Variants in NRG3 observed in about 807,000 individuals in gnomAD.
NRG3 encodes pro-neuregulin-3, membrane-bound isoform.
In NRG3, 31 loss-of-function variants were observed where a neutral mutation model predicts 66.9. The ratio of observed to expected loss-of-function variants is 0.46; its 90% CI spans 0.35 to 0.63. The LOEUF (loss-of-function observed/expected upper bound fraction) is 0.63, where lower values mean the gene tolerates loss of function less well. NRG3 is among the 20% of genes least tolerant of loss of function. The probability of loss-of-function intolerance (pLI) is 0.00; values close to 1 mark genes in which losing one functional copy is unlikely to be tolerated. For missense variants in NRG3, 910 were observed against 878.9 expected (o/e 1.04, Z -0.45); for synonymous variants, 393 against 359.4 (o/e 1.09, Z -1.06).
At chr10:82,012,454 A>G (rs1368003700) in intron 1 of NRG3, among the ~76,000 whole-genome samples, 1 of 152,158 alleles carries the variant, frequency 6.6e-6, no homozygotes, top group Non-Finnish European at 1.5e-5. Flanking sequence ...GACAATTAAC[A>G]TTTGGCTCCT....
intron 3 of NRG3, among the ~76,000 whole-genome samples, chr10:82,854,870 C>T (rs993615832): frequency 2.0e-5 from 3 of 152,116 alleles, no homozygotes; most frequent in African/African-American, 7.2e-5. Context: ...TTTCTTAAGT[C>T]ATCAGTAAAG....
chr10:82,522,468 T>TAAC (rs1396646805), intron 2 of NRG3, among the ~76,000 whole-genome samples: 2 of 152,174 alleles, frequency 1.3e-5, no homozygotes, highest in Non-Finnish European at 2.9e-5. Flanking sequence ...ACCACAATAA[T>TAAC]AACATCAAAA....
chr10:82,171,144 A>G (rs1054980903), intron 1 of NRG3, among the ~76,000 whole-genome samples: 1 of 151,956 alleles, frequency 6.6e-6, no homozygotes, highest in African/African-American at 2.4e-5. Flanking sequence ...CAATCAATGT[A>G]TTTGGTATGA....
chr10:82,134,110 T>C (rs1248673723), intron 1 of NRG3, among the ~76,000 whole-genome samples: 2 of 139,216 alleles, frequency 1.4e-5, no homozygotes, highest in Non-Finnish European at 1.6e-5. Context: ...TTGATGGGGT[T>C]GTTTGTTTTT....
intron 1 of NRG3, among the ~76,000 whole-genome samples, chr10:82,002,142 T>G (rs922049323): frequency 6.6e-6 from 1 of 152,126 alleles, no homozygotes; most frequent in African/African-American, 2.4e-5. Flanking sequence ...TAAAGAAAAT[T>G]AAGACTAGCA....
chr10:82,127,180 G>C (rs891442689), intron 1 of NRG3, among the ~76,000 whole-genome samples: 12 of 152,126 alleles, frequency 7.9e-5, no homozygotes, highest in East Asian at 1.9e-4. Flanking sequence ...GTTCTGGACA[G>C]TCATCTCTGT....
intron 1 of NRG3, among the ~76,000 whole-genome samples, chr10:82,337,385 A>G (rs1357989715): frequency 6.6e-6 from 1 of 152,230 alleles, no homozygotes; most frequent in Non-Finnish European, 1.5e-5. Flanking sequence ...AGATGTACCA[A>G]CTTTTTTGTT....
chr10:82,915,833 A>T (rs1191112686), intron 4 of NRG3, among the ~76,000 whole-genome samples: 1 of 152,202 alleles, frequency 6.6e-6, no homozygotes, highest in Non-Finnish European at 1.5e-5. Flanking sequence ...AACATTGGGG[A>T]ATATATACAT....
At chr10:82,953,481 A>G (rs1362641619) in intron 5 of NRG3, among the ~76,000 whole-genome samples, 2 of 151,830 alleles carry the variant, frequency 1.3e-5, no homozygotes, top group Non-Finnish European at 2.9e-5. Context: ...ATAGCACTTT[A>G]TGTTCTCCAA....
chr10:82,494,043 C>T (rs1403745732), intron 2 of NRG3, among the ~76,000 whole-genome samples: 1 of 152,118 alleles, frequency 6.6e-6, no homozygotes, highest in Non-Finnish European at 1.5e-5. Flanking sequence ...AATGAAATAC[C>T]ATCTCACACC....
chr10:82,456,072 C>T (rs1192141002), intron 2 of NRG3, among the ~76,000 whole-genome samples: 1 of 151,680 alleles, frequency 6.6e-6, no homozygotes, highest in Non-Finnish European at 1.5e-5. Flanking sequence ...ATACAGCTGC[C>T]CAAAAATATC....
intron 4 of NRG3, among the ~76,000 whole-genome samples, chr10:82,924,052 G>A (rs1846731369): frequency 7.2e-6 from 1 of 139,584 alleles, no homozygotes; most frequent in Non-Finnish European, 1.5e-5. Flanking sequence ...TCATGCCAGT[G>A]TACTCCAGCC....
chr10:82,547,097 C>G (rs2043966757), intron 2 of NRG3, among the ~76,000 whole-genome samples: 1 of 151,994 alleles, frequency 6.6e-6, no homozygotes, highest in African/African-American at 2.4e-5. Context: ...AAAGTGTCAG[C>G]ACATGAGCCA....
At chr10:82,667,075 G>C (rs952593453) in intron 2 of NRG3, among the ~76,000 whole-genome samples, 1 of 152,148 alleles carries the variant, frequency 6.6e-6, no homozygotes, top group African/African-American at 2.4e-5. Flanking sequence ...ACAGCAGAGC[G>C]CCCCTGCCTC....
At chr10:82,914,425 G>A (rs1480088504) in intron 4 of NRG3, among the ~76,000 whole-genome samples, 2 of 152,022 alleles carry the variant, frequency 1.3e-5, no homozygotes, top group African/African-American at 4.8e-5. Flanking sequence ...TTTAGTGTGA[G>A]TTTTTAAGTA....
intron 1 of NRG3, among the ~76,000 whole-genome samples, chr10:81,982,701 A>G (rs541734222): frequency 7.9e-5 from 12 of 152,164 alleles, no homozygotes; most frequent in African/African-American, 2.9e-4. Flanking sequence ...TTTTTTGTCT[A>G]CAAAATTTCT....
intron 1 of NRG3, among the ~76,000 whole-genome samples, chr10:82,107,991 C>A (rs1000208460): frequency 3.3e-5 from 5 of 152,168 alleles, no homozygotes; most frequent in Non-Finnish European, 4.4e-5. Context: ...CTGACGCAGC[C>A]GTCTGTGAGG....
rs780390921 is a variant in NRG3, at chr10:82,959,004, T to C, written c.1213T>C (p.Tyr405His). ...QLKVPQNGKS[Y>H]SLKASSTMAK... ...GAAAGTGCCACAAAATGGTAAAAGC[T>C]ACAGTCTCAAAGCATCCAGCACAAT... Residue 405 changes from tyrosine (Y) to histidine (H), a missense_variant, in exon 6 of 9, where the codon TAC becomes CAC. Physicochemically the swap from Tyr to His is moderately conservative, Grantham distance 83. Coordinates refer to ENST00000372141, the MANE Select transcript of NRG3 (RefSeq NM_001010848.4). The C allele has an allele frequency of 6.2e-7, 1 of 1,608,068 alleles. No homozygotes were observed. The highest frequency in any genetic ancestry group is 1.1e-5 in the South Asian group (1 of 89,708).
intron 2 of NRG3, among the ~76,000 whole-genome samples, chr10:82,653,549 G>A (rs183905686): frequency 5.3e-5 from 8 of 152,178 alleles, no homozygotes; most frequent in Admixed American, 5.2e-4. Flanking sequence ...ATTTCTTCTT[G>A]TAAGGCCTCA....
Sources: allele counts gnomAD v4.1 joint callset (sites outside exome capture counted in the v4.1 genomes callset), GRCh38; gene constraint gnomAD v4.1.1; transcripts MANE v1.5; gene names NCBI Gene and HGNC (gene_info 2026-07-23, HGNC 2026-07-21).